ANKS6: variants seen among roughly 807,000 people sequenced by gnomAD.
The protein encoded by ANKS6 is ankyrin repeat and SAM domain-containing protein 6.
A neutral mutation model predicts 77.9 loss-of-function variants in ANKS6; 47 were observed. The observed-to-expected ratio is 0.60, with a 90% CI of 0.48 to 0.77. The LOEUF is 0.77. Ranked by LOEUF, ANKS6 falls within the 30% of genes least tolerant of loss-of-function variation. The pLI is 0.00. For missense variants in ANKS6, 1,150 were observed against 1,159.1 expected (o/e 0.99, Z 0.11); for synonymous variants, 488 against 501.7 (o/e 0.97, Z 0.37).
At chr9:98,745,935 A>G (rs1832104555) in intron 13 of ANKS6, 1 of 446,644 alleles carries the variant, frequency 2.2e-6, no homozygotes, top group Non-Finnish European at 4.1e-6. Context: ...GGTAAGAAAA[A>G]TCTGGGATAG....
At chr9:98,776,493 C>T (rs1195824256) in intron 8 of ANKS6, among the ~76,000 whole-genome samples, 4 of 151,694 alleles carry the variant, frequency 2.6e-5, no homozygotes, top group African/African-American at 4.8e-5. Context: ...CTCCACCTCC[C>T]GGGTTCAAGC....
intron 14 of ANKS6, among the ~76,000 whole-genome samples, chr9:98,739,068 G>C (rs1005816381): frequency 6.6e-6 from 1 of 151,438 alleles, no homozygotes; most frequent in African/African-American, 2.4e-5. Flanking sequence ...GCTAAGCTAG[G>C]AGGATGCAAA....
chr9:98,777,619 G>T lies in ANKS6; in HGVS notation c.1568-165C>A, dbSNP rs574030911. 2.0e-5 allele frequency among the ~76,000 whole-genome samples: 3 copies of T among 152,260 alleles called. No individual in the cohort carries two copies. The South Asian group carries it at 6.2e-4, about 32-fold the overall frequency. On this transcript the variant is annotated intron_variant, in intron 7 of 14. Transcript: ENST00000353234. Reference sequence around the variant, plus strand: ...TTTAATAGAAGGAAGGCATTTAAAAGGTATATTGGAGCATGTTTTCAGCTT... The same window carrying T: ...TTTAATAGAAGGAAGGCATTTAAAATGTATATTGGAGCATGTTTTCAGCTT...
intron 5 of ANKS6, 152 bp downstream of exon 5, chr9:98,782,315 A>AG: frequency 1.4e-6 from 1 of 718,466 alleles, no homozygotes; most frequent in Non-Finnish European, 2.3e-6. Flanking sequence ...AACTTGCCTA[A>AG]GATCATGCAG....
Position 98,771,016 on chromosome 9 carries a change from G to A in ANKS6, c.1852C>T (p.Leu618Phe), listed in dbSNP as rs781691836. 3.1e-6 allele frequency: 5 copies of A among 1,591,306 alleles called. No individual in the cohort carries two copies. The South Asian group carries it at 5.7e-5, about 18-fold the overall frequency. ...GCAGAAGAGGCTGGGCTTCTGGGGAGGCTTGGAAATTTAACAGGCCTGACG... is the reference window on the plus strand; with the variant it reads ...GCAGAAGAGGCTGGGCTTCTGGGGAAGCTTGGAAATTTAACAGGCCTGACG... ...TPVRPVKFPS[L>F]PRSPASSANS... The change falls in exon 10 of 15, where the codon CTC becomes TTC. Residue 618 changes from leucine (L) to phenylalanine (F), a missense_variant. Coordinates refer to ENST00000353234, the MANE Select transcript of ANKS6 (RefSeq NM_173551.5).
At chr9:98,750,355 T>A (rs1028418736) in intron 13 of ANKS6, among the ~76,000 whole-genome samples, 4 of 152,256 alleles carry the variant, frequency 2.6e-5, no homozygotes, top group Non-Finnish European at 5.9e-5. Flanking sequence ...GTGCCAGTAT[T>A]TCATTCTTTT....
intron 14 of ANKS6, among the ~76,000 whole-genome samples, chr9:98,743,742 A>C (rs976766818): frequency 3.9e-5 from 6 of 152,214 alleles, no homozygotes; most frequent in African/African-American, 1.4e-4. Context: ...CGTAAGGATT[A>C]AATGAATGAC....
Position 98,776,388 on chromosome 9 carries a change from T to C in ANKS6, c.1617+1017A>G, listed in dbSNP as rs868126107. On this transcript the variant is annotated intron_variant, in intron 8 of 14. Transcript: ENST00000353234. ...CCCCACTGTGATTTAAGCAGAGTAG[T>C]TGCCAAAAACCCTTTTTTTTTTTTT... is the stretch of plus-strand genomic sequence containing the variant. Among the ~76,000 whole-genome samples, 54 of 129,760 alleles carry C rather than the reference T, an allele frequency of 4.2e-4. 1 individual carries two copies. The highest frequency in any genetic ancestry group is 1.6e-3 in the African/African-American group (51 of 32,852). The allele number at this position is 129,760 out of a possible 152,430, so 85.1% of individuals were successfully genotyped here.
intron 14 of ANKS6, among the ~76,000 whole-genome samples, chr9:98,739,405 A>G (rs1831689701): frequency 6.6e-6 from 1 of 152,028 alleles, no homozygotes; most frequent in African/African-American, 2.4e-5. Context: ...CAGGAGGTCA[A>G]CTCCAGCCTG....
rs370471329 is a variant in ANKS6 at position 98,790,548 on chromosome 9, G to A, written c.418C>T (p.Gln140Ter). 1.2e-6 allele frequency: 2 copies of A among 1,612,554 alleles called. No individual in the cohort carries two copies. The highest frequency in any genetic ancestry group is 1.7e-6 in the Non-Finnish European group (2 of 1,179,114). Residue 140 changes from glutamine (Q) to a stop codon, truncating the protein, a stop_gained, in exon 2 of 15, where the codon CAG becomes TAG. Coordinates refer to ENST00000353234, the MANE Select transcript of ANKS6 (RefSeq NM_173551.5). LOFTEE classifies it high-confidence loss of function. ...AGCACACTGGCCCCCAGCCGGTTCT[G>A]GGCATTGACATCAGCCCCGTGATCC... ...LLDHGADVNA[Q>*]NRLGASVLTV...
At chr9:98,737,166 G>C (rs1484897183) in intron 14 of ANKS6, among the ~76,000 whole-genome samples, 1 of 152,190 alleles carries the variant, frequency 6.6e-6, no homozygotes, top group Non-Finnish European at 1.5e-5. Context: ...GGGTGGATGT[G>C]AATGTTCTGT....
chr9:98,776,648 G>A (rs923718553), intron 8 of ANKS6, among the ~76,000 whole-genome samples: 2 of 152,138 alleles, frequency 1.3e-5, no homozygotes, highest in Non-Finnish European at 2.9e-5. Flanking sequence ...TGATTCACCT[G>A]CCTCCGCCTC....
At chr9:98,780,906 T>TTA (rs1834212970) in intron 5 of ANKS6, among the ~76,000 whole-genome samples, 1 of 149,932 alleles carries the variant, frequency 6.7e-6, no homozygotes. Context: ...ACTATTTCTT[T>TTA]TTTTTTTTTT....
Position 98,773,900 on chromosome 9 carries a change from C to G in ANKS6, c.1798G>C (p.Val600Leu). Residue 600 changes from valine (V) to leucine (L), a missense_variant, in exon 9 of 15, where the codon GTG (valine) becomes CTG (leucine). Coordinates refer to ENST00000353234, the MANE Select transcript of ANKS6 (RefSeq NM_173551.5). ...LPQRASRGHP[V>L]GGGGTDTTPV... The stretch of plus-strand genomic sequence containing the variant: ...ACAGTGTCTGTGCCCCCGCCGCCCA[C>G]GGGGTGGCCCCTGCTGGCTCTCTGG... 1 of 1,572,782 alleles carries G rather than the reference C, an allele frequency of 6.4e-7. No homozygotes were observed. Among genetic ancestry groups the G allele is most frequent in the Non-Finnish European group, 8.6e-7 (1 of 1,165,082 alleles).
chr9:98,758,186 A>C (rs144857801), intron 11 of ANKS6, among the ~76,000 whole-genome samples: 6 of 152,046 alleles, frequency 3.9e-5, no homozygotes, highest in African/African-American at 1.4e-4. Context: ...TATTCCTATC[A>C]GTACAGGCTC....
chr9:98,734,731 G>A lies in ANKS6; in HGVS notation c.*1788C>T, dbSNP rs1034623004. The A allele has an allele frequency of 4.2e-6, 4 of 959,160 alleles. No individual in the cohort carries two copies. The highest frequency in any genetic ancestry group is 1.8e-5 in the African/African-American group (1 of 56,596). 59.4% of individuals were successfully genotyped at this position (959,160 alleles called of 1,614,324 possible). A position where few individuals can be genotyped will look rare whatever the true frequency, so the allele number is the denominator to read the frequency against. On this transcript the variant is annotated 3_prime_UTR_variant, in exon 15 of 15. Transcript: ENST00000353234. ...GAGGTTACACAATGCCACCTCCAGGGTGGCCATGAGGATGAAATGACAAAG... is the reference window on the plus strand; with the variant it reads ...GAGGTTACACAATGCCACCTCCAGGATGGCCATGAGGATGAAATGACAAAG...
intron 13 of ANKS6, among the ~76,000 whole-genome samples, chr9:98,747,638 G>A (rs1342588403): frequency 1.3e-5 from 2 of 152,098 alleles, no homozygotes; most frequent in East Asian, 3.9e-4. Context: ...CCAACCCCTA[G>A]CAGGGACCCC....
At chr9:98,784,464 G>A (rs1029210802) in intron 3 of ANKS6, 16 of 402,956 alleles carry the variant, frequency 4.0e-5, no homozygotes, top group South Asian at 1.3e-4. Flanking sequence ...GTCTCGCTGC[G>A]GGGTGAGGAT....
chr9:98,773,063 T>A (rs1833723888), intron 9 of ANKS6, among the ~76,000 whole-genome samples: 1 of 152,114 alleles, frequency 6.6e-6, no homozygotes, highest in Admixed American at 6.6e-5. Context: ...ATAGAAGAAG[T>A]CTCAGGGATG....
Sources: gnomAD v4.1 joint callset for allele counts (sites outside exome capture counted in the v4.1 genomes callset) on GRCh38, gnomAD v4.1.1 for gene constraint, MANE v1.5 for transcripts, NCBI Gene and HGNC (gene_info 2026-07-23, HGNC 2026-07-21) for gene names.